OSCAR: variants seen among roughly 807,000 people sequenced by gnomAD.
OSCAR encodes osteoclast-associated immunoglobulin-like receptor.
A neutral mutation model predicts 27.3 loss-of-function variants in OSCAR; 25 were observed. The observed-to-expected ratio is 0.92, with a 90% CI of 0.67 to 1.28. OSCAR has a LOEUF of 1.28. Ranked by LOEUF, OSCAR falls within the 50% of genes most tolerant of loss-of-function variation. The pLI is 0.00. For missense variants in OSCAR, 354 were observed against 355.1 expected (o/e 1.00, Z 0.03); for synonymous variants, 158 against 165.7 (o/e 0.95, Z 0.36).
Position 54,100,627 on chromosome 19 carries a change from G to T in OSCAR, c.37+129C>A, listed in dbSNP as rs587716594. The T allele has an allele frequency of 5.9e-6, 6 of 1,010,338 alleles. No homozygotes were observed. The South Asian group carries it at 9.8e-5, about 17-fold the overall frequency. The allele number at this position is 1,010,338 out of a possible 1,614,324, so 62.6% of individuals were successfully genotyped here. A position where few individuals can be genotyped will look rare whatever the true frequency, so the allele number is the denominator to read the frequency against. On this transcript the variant is annotated intron_variant, in intron 1 of 4. Transcript: ENST00000358375. Reference sequence around the variant, plus strand: ...ACCCAGGGGTCTGGGCCCCAGCCCTGTTCTTTATTTGAACCTAGAATCCCA... The same window carrying T: ...ACCCAGGGGTCTGGGCCCCAGCCCTTTTCTTTATTTGAACCTAGAATCCCA...
In OSCAR at chr19:54,099,136, T is replaced by C. The variant is rs189214019; in HGVS notation, c.70+612A>G. 2.5e-3 allele frequency among the ~76,000 whole-genome samples: 380 copies of C among 150,626 alleles called. 1 individual carries two copies. The highest frequency in any genetic ancestry group is 4.5e-3 in the South Asian group (21 of 4,696). On this transcript the variant is annotated intron_variant, in intron 2 of 4. Transcript: ENST00000358375. ...GGAGTGCAGTGGCGCGATCTCAGCT[T>C]ACTGCAACCTCTGCCTCCTGGGTTC...
chr19:54,096,181 C>A, intron 3 of OSCAR, 28 bp from the exon 4 acceptor site: 1 of 1,473,544 alleles, frequency 6.8e-7, no homozygotes, highest in Non-Finnish European at 8.9e-7. Context: ...GAGTCCGGGG[C>A]CGCGTGAGCG....
At chr19:54,095,849 G>A in intron 4 of OSCAR, 23 bp downstream of exon 4, 3 of 1,551,900 alleles carry the variant, frequency 1.9e-6, no homozygotes, top group Non-Finnish European at 2.6e-6. Context: ...CGGAGGAGGC[G>A]GGCCGGGCCT....
At chr19:54,099,405 C>T (rs1243105428) in intron 2 of OSCAR, among the ~76,000 whole-genome samples, 2 of 151,742 alleles carry the variant, frequency 1.3e-5, no homozygotes, top group African/African-American at 4.8e-5. Flanking sequence ...CTGTGCCAGG[C>T]TCAGGGTTTT....
chr19:54,096,184 C>T, intron 3 of OSCAR, 31 bp from the exon 4 acceptor site: 5 of 1,466,102 alleles, frequency 3.4e-6, no homozygotes, highest in Non-Finnish European at 4.5e-6. Context: ...TCCGGGGCCG[C>T]GTGAGCGTCT....
rs2072649655 is a variant in OSCAR at position 54,095,973 on chromosome 19, A to G, written c.554T>C (p.Leu185Pro). The G allele has an allele frequency of 1.3e-6, 2 of 1,590,212 alleles. No homozygotes were observed. Among genetic ancestry groups the G allele is most frequent in the South Asian group, 1.1e-5 (1 of 87,628 alleles). Residue 185 changes from leucine to proline, a missense_variant, in exon 4 of 5, where the codon CTG becomes CCG. Leu to Pro is a moderately conservative substitution (Grantham distance 98). Transcript: ENST00000358375. The stretch of plus-strand genomic sequence containing the variant: ...GTAGGTGCCGGGGGCGCGGGCGCCC[A>G]GCAGCGTGAAGTCGGCCCAGGGCTG... ...SAQPWADFTL[L>P]GARAPGTYSC...
chr19:54,099,240 T>TG lies in OSCAR; in HGVS notation c.70+507_70+508insC, dbSNP rs2072914077. 6.6e-5 allele frequency among the ~76,000 whole-genome samples: 9 copies of TG among 136,668 alleles called. No individual in the cohort carries two copies. In the Admixed American group the frequency reaches 6.6e-4, roughly 10 times the overall value. The allele number at this position is 136,668 out of a possible 152,430, so 89.7% of individuals were successfully genotyped here. A position where few individuals can be genotyped will look rare whatever the true frequency, so the allele number is the denominator to read the frequency against. The stretch of plus-strand genomic sequence containing the variant: ...ACCACACCCGGCTAATTTTTTTTTT[T>TG]TTTTTTTTTTTTTAGTAGAGACGGG... On this transcript the variant is annotated intron_variant, in intron 2 of 4. Transcript: ENST00000358375.
intron 2 of OSCAR, 88 bp from the exon 3 acceptor site, chr19:54,097,252 G>A: frequency 7.6e-7 from 1 of 1,317,846 alleles, no homozygotes; most frequent in Admixed American, 2.3e-5. Context: ...AAATCACCTT[G>A]GACAATTACT....
chr19:54,096,285 CCTGTCTCTCTCTCTGT>C (rs1158678493), intron 3 of OSCAR, 132 bp from the exon 4 acceptor site: 46 of 837,972 alleles, frequency 5.5e-5, no homozygotes, highest in African/African-American at 2.2e-4. Flanking sequence ...TTTCTCTCTG[CCTGTCTCTCTCTCTGT>C]CTGCCTCTCT....
chr19:54,096,933 C>T lies in OSCAR; in HGVS notation c.302G>A (p.Cys101Tyr). 5 of 1,614,184 alleles carry T rather than the reference C, an allele frequency of 3.1e-6. No homozygotes were observed. Among genetic ancestry groups the T allele is most frequent in the Non-Finnish European group, 4.2e-6 (5 of 1,180,028 alleles). Residue 101 changes from cysteine to tyrosine, a missense_variant, in exon 3 of 5, where the codon TGC (cysteine) becomes TAC (tyrosine). Physicochemically the swap from Cys to Tyr is radical, Grantham distance 194. Transcript: ENST00000358375. ...TPAQGGSYRC[C>Y]YRRPDWGPGV... Reference sequence around the variant, plus strand: ...CGGCCCCCAGTCTGGCCTTCGGTAGCAGCAGCGGTAACTTCCCCCTTGGGC... The same window carrying T: ...CGGCCCCCAGTCTGGCCTTCGGTAGTAGCAGCGGTAACTTCCCCCTTGGGC...
chr19:54,099,255 G>GTTTTTGTTTTT (rs1555783369), intron 2 of OSCAR, among the ~76,000 whole-genome samples: 1 of 22,094 alleles, frequency 4.5e-5, no homozygotes, highest in African/African-American at 1.5e-4. Flanking sequence ...TTTTTTTTTA[G>GTTTTTGTTTTT]TAGAGACGGG....
At chr19:54,099,859 C>G in intron 1 of OSCAR, 79 bp from the exon 2 acceptor site, 1 of 1,501,842 alleles carries the variant, frequency 6.7e-7, no homozygotes, top group Non-Finnish European at 9.0e-7. Context: ...GTCGCCCAGG[C>G]TGGAGTGTAG....
intron 2 of OSCAR, among the ~76,000 whole-genome samples, chr19:54,097,576 C>T (rs1360729393): frequency 2.1e-5 from 3 of 144,934 alleles, no homozygotes; most frequent in Non-Finnish European, 3.0e-5. Context: ...TGTGCCACCA[C>T]ACCCAGACTT....
In OSCAR at chr19:54,097,182, C is replaced by T; in HGVS notation, c.71-18G>A. On this transcript the variant is annotated intron_variant, in intron 2 of 4. Coordinates refer to ENST00000358375, the MANE Select transcript of OSCAR (RefSeq NM_133169.6). Reference sequence around the variant, plus strand: ...TGGGGGGACTGAATAAACGGGGCTGCCTGGGTCCTCGGGCCTCCTGGGAGC... The same window carrying T: ...TGGGGGGACTGAATAAACGGGGCTGTCTGGGTCCTCGGGCCTCCTGGGAGC... The T allele has an allele frequency of 1.3e-6, 2 of 1,593,420 alleles. No homozygotes were observed. The highest frequency in any genetic ancestry group is 1.7e-4 in the Middle Eastern group (1 of 5,886).
In OSCAR at chr19:54,096,091, C is replaced by T; in HGVS notation, c.436G>A (p.Val146Met). 6.5e-7 allele frequency: 1 copy of T among 1,533,004 alleles called. No homozygotes were observed. The highest frequency in any genetic ancestry group is 8.7e-7 in the Non-Finnish European group (1 of 1,145,458). The allele number at this position is 1,533,004 out of a possible 1,614,324, so 95.0% of individuals were successfully genotyped here. ...PGPVVGPGAN[V>M]SLRCAGRLRN... ...AGGCGGCCCGCGCAGCGCAGGCTCA[C>T]GTTGGCGCCAGGACCCACCACCGGC... is the stretch of plus-strand genomic sequence containing the variant. The change falls in exon 4 of 5, where the codon GTG (valine) becomes ATG (methionine). Residue 146 changes from valine (V) to methionine (M), a missense_variant. By Grantham distance (21) the Val-to-Met change is conservative (BLOSUM62 1). Transcript: ENST00000358375.
At chr19:54,095,441 G>A in intron 4 of OSCAR, 84 bp from the exon 5 acceptor site, 1 of 1,493,620 alleles carries the variant, frequency 6.7e-7, no homozygotes, top group Non-Finnish European at 8.9e-7. Context: ...CAGCCCCTGG[G>A]GTGGACTTAG....
intron 3 of OSCAR, among the ~76,000 whole-genome samples, chr19:54,096,397 TCCCTCTCTCTCTGCC>T (rs2072709937): frequency 7.6e-6 from 1 of 131,766 alleles, no homozygotes. Context: ...TCTCTCTGCC[TCCCTCTCTCTCTGCC>T]TCCCTCTCTC....
At chr19:54,095,529 G>C in intron 4 of OSCAR, 172 bp from the exon 5 acceptor site, 2 of 1,389,758 alleles carry the variant, frequency 1.4e-6, no homozygotes, top group Non-Finnish European at 1.9e-6. Flanking sequence ...GAAGGGGCTG[G>C]GGCCTGGACT....
At chr19:54,099,244 T>TTTGTTTTTG (rs1555783353) in intron 2 of OSCAR, among the ~76,000 whole-genome samples, 1 of 133,196 alleles carries the variant, frequency 7.5e-6, no homozygotes, top group Non-Finnish European at 1.6e-5. Flanking sequence ...TTTTTTTTTT[T>TTTGTTTTTG]TTTTTTTTTA....
Sources: gnomAD v4.1 joint callset for allele counts (sites outside exome capture counted in the v4.1 genomes callset) on GRCh38, gnomAD v4.1.1 for gene constraint, MANE v1.5 for transcripts, NCBI Gene and HGNC (gene_info 2026-07-23, HGNC 2026-07-21) for gene names.